FOXO1: variants seen among roughly 807,000 people sequenced by gnomAD.
FOXO1 encodes forkhead box O1, also known as forkhead box protein O1.
FOXO1 carries 6 observed loss-of-function variants against 44.1 expected under a neutral mutation model. That is an observed-to-expected ratio of 0.14 (90% CI 0.07 to 0.27). The LOEUF is 0.27. Among genes scored for constraint, FOXO1 ranks in the 10% least tolerant of loss-of-function variants. The pLI is 1.00. For synonymous variants in FOXO1, 380 were observed against 362.7 expected (o/e 1.05, Z -0.54); for missense variants, 737 against 888.8 (o/e 0.83, Z 2.17).
chr13:40,659,995 G>A (rs140879250), intron 1 of FOXO1, among the ~76,000 whole-genome samples: 23 of 152,262 alleles, frequency 1.5e-4, no homozygotes, highest in African/African-American at 4.6e-4. Flanking sequence ...TGGCAAAGAG[G>A]AAGATGTCTT....
chr13:40,598,706 A>G (rs1208412269), intron 1 of FOXO1, among the ~76,000 whole-genome samples: 1 of 152,114 alleles, frequency 6.6e-6, no homozygotes, highest in African/African-American at 2.4e-5. Context: ...GCTCTGCTCT[A>G]CTCCCAGTGT....
chr13:40,623,296 C>T (rs986465883), intron 1 of FOXO1, among the ~76,000 whole-genome samples: 5 of 152,052 alleles, frequency 3.3e-5, no homozygotes, highest in Non-Finnish European at 5.9e-5. Flanking sequence ...CACGGGGGTC[C>T]GTGTGGGGCA....
chr13:40,605,098 T>C (rs1875948376), intron 1 of FOXO1, among the ~76,000 whole-genome samples: 1 of 151,744 alleles, frequency 6.6e-6, no homozygotes. Context: ...TATGTATATG[T>C]TGATATATAT....
intron 1 of FOXO1, among the ~76,000 whole-genome samples, chr13:40,648,508 C>T (rs577076991): frequency 9.3e-4 from 141 of 152,306 alleles, no homozygotes; most frequent in Non-Finnish European, 1.4e-3. Flanking sequence ...TTTTCATAGG[C>T]TCAGGCTTCC....
intron 1 of FOXO1, among the ~76,000 whole-genome samples, chr13:40,617,979 T>A (rs535556006): frequency 6.6e-6 from 1 of 152,344 alleles, no homozygotes; most frequent in South Asian, 2.1e-4. Context: ...GCCTGATGCA[T>A]TCACCGGCAA....
intron 1 of FOXO1, among the ~76,000 whole-genome samples, chr13:40,641,925 G>T (rs758737421): frequency 1.3e-5 from 2 of 152,164 alleles, no homozygotes; most frequent in Non-Finnish European, 2.9e-5. Context: ...GGCAGAGGTT[G>T]CAGTGAACCA....
At chr13:40,615,773 G>C (rs2137895948) in intron 1 of FOXO1, among the ~76,000 whole-genome samples, 1 of 152,282 alleles carries the variant, frequency 6.6e-6, no homozygotes, top group Middle Eastern at 3.4e-3. Flanking sequence ...GAGGCAGAAG[G>C]ATGCATGGCG....
chr13:40,614,158 A>G (rs142996055), intron 1 of FOXO1, among the ~76,000 whole-genome samples: 2,807 of 152,308 alleles, frequency 0.018, 46 homozygotes, highest in Middle Eastern at 0.068. Flanking sequence ...ACCTGGCACC[A>G]GCAGTTCTGT....
chr13:40,642,318 T>C (rs899759942), intron 1 of FOXO1, among the ~76,000 whole-genome samples: 7 of 152,196 alleles, frequency 4.6e-5, no homozygotes, highest in African/African-American at 1.7e-4. Flanking sequence ...AGACATACAG[T>C]CAGCGAATGT....
chr13:40,633,458 T>C (rs1487264628), intron 1 of FOXO1, among the ~76,000 whole-genome samples: 2 of 152,228 alleles, frequency 1.3e-5, no homozygotes, highest in Admixed American at 6.5e-5. Flanking sequence ...ATGATACTGA[T>C]ACATGCTACC....
chr13:40,661,162 G>C (rs1172214360), intron 1 of FOXO1, among the ~76,000 whole-genome samples: 1 of 152,126 alleles, frequency 6.6e-6, no homozygotes, highest in African/African-American at 2.4e-5. Context: ...AATAGATTCA[G>C]GTAACTTTCA....
rs146123460 is a variant in FOXO1 at position 40,626,833 on chromosome 13, G to A, written c.630+38750C>T. ...CAAACATTCCTCCATCTAAAGCTAT[G>A]AACAAGTACCCAAGGGTGACTTTAT... On this transcript the variant is annotated intron_variant, in intron 1 of 2. Transcript: ENST00000379561. 1.1e-4 allele frequency among the ~76,000 whole-genome samples: 17 copies of A among 152,286 alleles called. No homozygotes were observed. In the East Asian group the frequency reaches 3.1e-3, roughly 28 times the overall value.
At position 40,624,647 on chromosome 13, in the gene FOXO1, G is replaced by A. The variant is rs1876729093; in HGVS notation, c.630+40936C>T. Among the ~76,000 whole-genome samples the A allele has an allele frequency of 3.9e-5, 6 of 152,122 alleles. No homozygotes were observed. The South Asian group carries it at 1.2e-3, about 32-fold the overall frequency. Reference sequence around the variant, plus strand: ...GGGAGGTGACAGATGACACTGCATAGGAATTTAATACTTTTTAAAGTTTAT... The same window carrying A: ...GGGAGGTGACAGATGACACTGCATAAGAATTTAATACTTTTTAAAGTTTAT... On this transcript the variant is annotated intron_variant, in intron 1 of 2. Coordinates refer to ENST00000379561, the MANE Select transcript of FOXO1 (RefSeq NM_002015.4).
chr13:40,652,887 A>G lies in FOXO1; in HGVS notation c.630+12696T>C, dbSNP rs529482295. ...TTATTTTGCTTTCAAGCTTTGAAGG[A>G]CACAACATTTACAAGCCTGGGAATT... is the stretch of plus-strand genomic sequence containing the variant. On this transcript the variant is annotated intron_variant, in intron 1 of 2. Coordinates refer to ENST00000379561, the MANE Select transcript of FOXO1 (RefSeq NM_002015.4). Among the ~76,000 whole-genome samples, 8 of 152,342 alleles carry G rather than the reference A, an allele frequency of 5.3e-5. No individual in the cohort carries two copies. The South Asian group carries it at 8.3e-4, about 16-fold the overall frequency.
intron 1 of FOXO1, among the ~76,000 whole-genome samples, chr13:40,605,446 G>A (rs140785640): frequency 3.0e-4 from 46 of 152,110 alleles, no homozygotes; most frequent in African/African-American, 1.1e-3. Context: ...TTTCCTACTC[G>A]ATAGCTCCCT....
chr13:40,605,382 T>C (rs1050363752), intron 1 of FOXO1, among the ~76,000 whole-genome samples: 1 of 152,200 alleles, frequency 6.6e-6, no homozygotes, highest in Non-Finnish European at 1.5e-5. Context: ...GCGCTCACAG[T>C]TGGTGCTTAA....
intron 1 of FOXO1, among the ~76,000 whole-genome samples, chr13:40,631,167 T>C (rs561512646): frequency 2.6e-5 from 4 of 152,224 alleles, no homozygotes; most frequent in East Asian, 1.9e-4. Context: ...AGTGGCAGCA[T>C]TGTGGAGGAG....
At chr13:40,601,552 C>G (rs999594608) in intron 1 of FOXO1, among the ~76,000 whole-genome samples, 1 of 152,144 alleles carries the variant, frequency 6.6e-6, no homozygotes, top group Non-Finnish European at 1.5e-5. Context: ...GATTTAAACA[C>G]GTATTTGTTC....
intron 1 of FOXO1, among the ~76,000 whole-genome samples, chr13:40,598,311 A>C (rs1404090130): frequency 6.6e-6 from 1 of 152,134 alleles, no homozygotes; most frequent in Non-Finnish European, 1.5e-5. Context: ...TTTTTAGTTC[A>C]GTTTTTGGGG....
Sources: gnomAD v4.1 joint callset for allele counts (sites outside exome capture counted in the v4.1 genomes callset) on GRCh38, gnomAD v4.1.1 for gene constraint, MANE v1.5 for transcripts, NCBI Gene and HGNC (gene_info 2026-07-23, HGNC 2026-07-21) for gene names.